DCAF1: variants seen among roughly 807,000 people sequenced by gnomAD.
DCAF1 encodes DDB1 and CUL4 associated factor 1, also known as DDB1- and CUL4-associated factor 1.
Under a neutral mutation model 128.0 loss-of-function variants are expected in DCAF1, and 15 were observed. The ratio of observed to expected loss-of-function variants is 0.12; its 90% CI spans 0.08 to 0.18. The LOEUF (loss-of-function observed/expected upper bound fraction) is 0.18. Ranked by LOEUF, DCAF1 falls within the 10% of genes least tolerant of loss-of-function variation. DCAF1 has a pLI of 1.00. For missense variants in DCAF1, 988 were observed against 1,649.5 expected (o/e 0.60, Z 6.95); for synonymous variants, 610 against 603.0 (o/e 1.01, Z -0.17).
At chr3:51,467,785 C>T (rs1704286615) in intron 4 of DCAF1, among the ~76,000 whole-genome samples, 1 of 152,130 alleles carries the variant, frequency 6.6e-6, no homozygotes, top group Non-Finnish European at 1.5e-5. Context: ...GCACTAGATC[C>T]AGATGAGCAT....
intron 2 of DCAF1, among the ~76,000 whole-genome samples, chr3:51,491,222 C>T (rs782342565): frequency 1.3e-5 from 2 of 151,756 alleles, no homozygotes; most frequent in Non-Finnish European, 2.9e-5. Flanking sequence ...TTGGCACGCA[C>T]CTGTAATCCC....
At chr3:51,457,471 C>T (rs1181288194) in intron 6 of DCAF1, among the ~76,000 whole-genome samples, 2 of 152,144 alleles carry the variant, frequency 1.3e-5, no homozygotes, top group Non-Finnish European at 2.9e-5. Context: ...AGAATGGAAC[C>T]AAGTTGGAAA....
intron 1 of DCAF1, among the ~76,000 whole-genome samples, chr3:51,498,352 G>A (rs1434711700): frequency 1.4e-5 from 2 of 144,172 alleles, no homozygotes; most frequent in East Asian, 2.0e-4. Flanking sequence ...AGAATGAGAC[G>A]CTGTCTCAAA....
chr3:51,412,755 G>A (rs1408291471), intron 22 of DCAF1, among the ~76,000 whole-genome samples: 1 of 152,174 alleles, frequency 6.6e-6, no homozygotes. Context: ...GGATGACAGT[G>A]TGAGTCCAGA....
At chr3:51,435,139 C>T (rs999217018) in intron 9 of DCAF1, among the ~76,000 whole-genome samples, 10 of 152,206 alleles carry the variant, frequency 6.6e-5, no homozygotes, top group African/African-American at 2.4e-4. Context: ...ACACAACACT[C>T]TACCACACTT....
intron 6 of DCAF1, among the ~76,000 whole-genome samples, chr3:51,458,346 T>G (rs1309556721): frequency 6.6e-6 from 1 of 152,148 alleles, no homozygotes; most frequent in Non-Finnish European, 1.5e-5. Flanking sequence ...AAGGGATCAA[T>G]TCAACAAGAA....
At chr3:51,407,532 C>T (rs894443924) in intron 23 of DCAF1, among the ~76,000 whole-genome samples, 2 of 152,172 alleles carry the variant, frequency 1.3e-5, no homozygotes, top group Admixed American at 1.3e-4. Flanking sequence ...AAACAGAGAG[C>T]ATTATTCCTT....
chr3:51,441,966 T>C, intron 7 of DCAF1, 69 bp from the exon 8 acceptor site: 1 of 1,508,696 alleles, frequency 6.6e-7, no homozygotes, highest in Non-Finnish European at 8.8e-7. Context: ...TTAATAATTC[T>C]TATTTCCACA....
chr3:51,420,777 G>A lies in DCAF1; in HGVS notation c.2193C>T (p.Ser731=). The stretch of plus-strand genomic sequence containing the variant: ...ACAGGAGCACCTTGATGCCGTTGTT[G>A]GACTGAACCACATTCCACATCTTGG... ...TLAKMWNVVQ[S]NNGIKVLLSL... The change falls in exon 15 of 25, where the codon TCC becomes TCT. Residue 731 remains serine, a synonymous_variant. Transcript: ENST00000684031. The surrounding 1 kb of genome is among the most constrained non-coding windows in gnomAD (Gnocchi z 6.5). 1 of 1,614,016 alleles carries A rather than the reference G, an allele frequency of 6.2e-7. No individual in the cohort carries two copies. The highest frequency in any genetic ancestry group is 1.1e-5 in the South Asian group (1 of 91,080).
chr3:51,505,364 A>C, the DCAF1 span, among the ~76,000 whole-genome samples: 2 of 152,222 alleles, frequency 1.3e-5, no homozygotes, highest in Non-Finnish European at 2.9e-5. Context: ...ACAAATTCAA[A>C]GGTCAGAGAC....
Position 51,412,344 on chromosome 3 carries a change from C to G in DCAF1, c.4212+35G>C, listed in dbSNP as rs561718640. 1.1e-4 allele frequency: 179 copies of G among 1,613,088 alleles called. 1 individual carries two copies. The East Asian group carries it at 3.0e-3, about 27-fold the overall frequency. On this transcript the variant is annotated intron_variant, in intron 23 of 24. Transcript: ENST00000684031. ...AGCAGAGCATAACCTCTATTAAGCA[C>G]TGTTCAGCAGAAAGAAATCTCAAAG...
chr3:51,435,513 C>T (rs1427607601), intron 9 of DCAF1, among the ~76,000 whole-genome samples: 1 of 152,132 alleles, frequency 6.6e-6, no homozygotes, highest in African/African-American at 2.4e-5. Flanking sequence ...TGGAACTGTA[C>T]TACTTTGGCC....
chr3:51,469,220 A>ATTTTTTTTTTTTTTTTTTTTTT (rs1559550222), intron 4 of DCAF1, among the ~76,000 whole-genome samples: 1 of 143,522 alleles, frequency 7.0e-6, no homozygotes, highest in African/African-American at 2.7e-5. Context: ...TCCACACACA[A>ATTTTTTTTTTTTTTTTTTTTTT]ATTTTTTTTT....
In DCAF1 at chr3:51,398,517, G is replaced by A. The variant is rs1399230343; in HGVS notation, c.*252C>T. 1.1e-5 allele frequency: 5 copies of A among 440,468 alleles called. No homozygotes were observed. In the Admixed American group the frequency reaches 1.6e-4, roughly 14 times the overall value. The allele number at this position is 440,468 out of a possible 1,614,324, so 27.3% of individuals were successfully genotyped here. A position where few individuals can be genotyped will look rare whatever the true frequency, so the allele number is the denominator to read the frequency against. On this transcript the variant is annotated 3_prime_UTR_variant, in exon 25 of 25. Transcript: ENST00000684031. ...CCCCTTGAAAGATATGTCCATCCTAGGAAATGGTGGGGGGTGGATGTGGGG... is the reference window on the plus strand; with the variant it reads ...CCCCTTGAAAGATATGTCCATCCTAAGAAATGGTGGGGGGTGGATGTGGGG...
At chr3:51,407,005 G>C (rs28457212) in intron 23 of DCAF1, among the ~76,000 whole-genome samples, 146,433 of 152,230 alleles carry the variant, frequency 0.96, 70,706 homozygotes, top group Non-Finnish European at 1. Context: ...ACCAGCCTGG[G>C]CAACAGGGTG....
chr3:51,473,262 C>CAAA (rs782434269), intron 3 of DCAF1, among the ~76,000 whole-genome samples: 15 of 121,072 alleles, frequency 1.2e-4, no homozygotes, highest in African/African-American at 4.5e-4. Context: ...AACTCTATCT[C>CAAA]AAAAAAAAAA....
chr3:51,465,886 T>G (rs1303956316), intron 5 of DCAF1, among the ~76,000 whole-genome samples: 1 of 151,900 alleles, frequency 6.6e-6, no homozygotes, highest in Non-Finnish European at 1.5e-5. Context: ...TGCTATTAAC[T>G]CCATTTTATA....
At chr3:51,424,015 G>C (rs1268205393) in intron 13 of DCAF1, among the ~76,000 whole-genome samples, 2 of 151,618 alleles carry the variant, frequency 1.3e-5, no homozygotes, top group Non-Finnish European at 2.9e-5. Context: ...TGAGGGAAAG[G>C]GTTCAAAATA....
intron 2 of DCAF1, among the ~76,000 whole-genome samples, chr3:51,489,017 T>C (rs1381550653): frequency 6.6e-6 from 1 of 152,128 alleles, no homozygotes; most frequent in Non-Finnish European, 1.5e-5. Flanking sequence ...AGAGACCTTC[T>C]AGAACATGAT....
Sources: allele counts gnomAD v4.1 joint callset (sites outside exome capture counted in the v4.1 genomes callset), GRCh38; gene constraint gnomAD v4.1.1; non-coding constraint Gnocchi (gnomAD v3.1); transcripts MANE v1.5; gene names NCBI Gene and HGNC (gene_info 2026-07-23, HGNC 2026-07-21).